Variants in RBFOX1 observed in about 807,000 individuals in gnomAD.
RBFOX1 encodes RNA binding fox-1 homolog 1.
RBFOX1 carries 8 observed loss-of-function variants against 57.7 expected under a neutral mutation model. The observed-to-expected ratio is 0.14, with a 90% CI of 0.08 to 0.25. RBFOX1 has a LOEUF of 0.25. Ranked by LOEUF, RBFOX1 falls within the 10% of genes least tolerant of loss-of-function variation. The pLI is 1.00. For missense variants in RBFOX1, 611 were observed against 548.5 expected (o/e 1.11, Z -1.14); for synonymous variants, 326 against 222.4 (o/e 1.47, Z -4.15).
intron 3 of RBFOX1, among the ~76,000 whole-genome samples, chr16:6,806,408 T>C (rs890224472): frequency 2.6e-5 from 4 of 152,190 alleles, no homozygotes; most frequent in African/African-American, 9.6e-5. Context: ...AAGACTGTAA[T>C]ACATTTGCAT....
chr16:7,337,661 A>G (rs1287236936), intron 4 of RBFOX1, among the ~76,000 whole-genome samples: 1 of 152,042 alleles, frequency 6.6e-6, no homozygotes, highest in Non-Finnish European at 1.5e-5. Context: ...ACGCAGGTGA[A>G]TGTTTTTTGT....
chr16:7,260,555 G>A (rs1170406932), intron 4 of RBFOX1, among the ~76,000 whole-genome samples: 1 of 152,102 alleles, frequency 6.6e-6, no homozygotes, highest in African/African-American at 2.4e-5. Flanking sequence ...CATCTTCAGG[G>A]AATAACTCAT....
chr16:5,637,095 G>T (rs2048706743), intron 3 of RBFOX1, among the ~76,000 whole-genome samples: 1 of 152,178 alleles, frequency 6.6e-6, no homozygotes, highest in African/African-American at 2.4e-5. Context: ...TGCATCATTA[G>T]CAGTTTCTGA....
At chr16:6,580,588 CAG>C (rs776663147) in intron 2 of RBFOX1, among the ~76,000 whole-genome samples, 4 of 151,854 alleles carry the variant, frequency 2.6e-5, no homozygotes, top group African/African-American at 4.8e-5. Flanking sequence ...AGAAATGTCA[CAG>C]GGGGGGATGC....
At chr16:6,185,411 T>G (rs986395845) in intron 1 of RBFOX1, among the ~76,000 whole-genome samples, 1 of 152,244 alleles carries the variant, frequency 6.6e-6, no homozygotes, top group Non-Finnish European at 1.5e-5. Context: ...ATAAGCTGAT[T>G]ATCTCCATTT....
In RBFOX1 at chr16:6,610,005, CACAAAACAAAACAAA is replaced by C. The variant is rs71145259; in HGVS notation, c.-63-44571_-63-44557del. On this transcript the variant is annotated intron_variant, in intron 2 of 15. Transcript: ENST00000550418. Reference sequence around the variant, plus strand: ...GCCTGGCAGTAGTGTGAGGCTCTGACACAAAACAAAACAAAACAAAACAAAACAAAACAAAACAAA... The same window carrying C: ...GCCTGGCAGTAGTGTGAGGCTCTGACACAAAACAAAACAAAACAAAACAAA... Among the ~76,000 whole-genome samples the C allele has an allele frequency of 7.0e-3, 1,013 of 145,474 alleles. 8 individuals are homozygous for C. Among genetic ancestry groups the C allele is most frequent in the Middle Eastern group, 0.038 (11 of 288 alleles).
intron 4 of RBFOX1, among the ~76,000 whole-genome samples, chr16:7,074,726 G>T (rs1302393750): frequency 1.3e-5 from 2 of 151,934 alleles, no homozygotes; most frequent in African/African-American, 4.8e-5. Context: ...GAGAGCATGG[G>T]GAAAAACAAG....
intron 3 of RBFOX1, among the ~76,000 whole-genome samples, chr16:5,794,333 C>G (rs1263826375): frequency 6.6e-6 from 1 of 151,594 alleles, no homozygotes; most frequent in African/African-American, 2.4e-5. Flanking sequence ...TTTTCCTCAT[C>G]CTTTACTAAT....
intron 4 of RBFOX1, among the ~76,000 whole-genome samples, chr16:7,075,052 A>T (rs1261637932): frequency 6.6e-6 from 1 of 152,176 alleles, no homozygotes; most frequent in Non-Finnish European, 1.5e-5. Context: ...CAAAGCGTAA[A>T]AGCAACATAC....
At chr16:5,456,364 A>G (rs2068631759) in intron 1 of RBFOX1, among the ~76,000 whole-genome samples, 2 of 152,178 alleles carry the variant, frequency 1.3e-5, no homozygotes, top group African/African-American at 4.8e-5. Context: ...CTTGTCTGTC[A>G]TCATGTTTTC....
intron 3 of RBFOX1, among the ~76,000 whole-genome samples, chr16:6,903,407 CAATTAA>C (rs1180731071): frequency 5.3e-5 from 8 of 152,178 alleles, no homozygotes; most frequent in Non-Finnish European, 1.2e-4. Context: ...TTCTGCGCTC[CAATTAA>C]AATTGACGAA....
At chr16:5,468,747 C>G (rs964900234) in intron 2 of RBFOX1, among the ~76,000 whole-genome samples, 2 of 152,222 alleles carry the variant, frequency 1.3e-5, no homozygotes, top group South Asian at 2.1e-4. Flanking sequence ...TTGGATGAAT[C>G]TTGAACACAT....
intron 3 of RBFOX1, among the ~76,000 whole-genome samples, chr16:6,967,352 C>G (rs2084498334): frequency 1.3e-5 from 2 of 152,126 alleles, no homozygotes; most frequent in Admixed American, 6.6e-5. Context: ...GGGGTTGGCT[C>G]TCATGTTCCT....
At chr16:6,729,672 A>G (rs571315952) in intron 3 of RBFOX1, among the ~76,000 whole-genome samples, 1 of 152,314 alleles carries the variant, frequency 6.6e-6, no homozygotes, top group African/African-American at 2.4e-5. Context: ...GCAACCCTTA[A>G]TATATGACCT....
At chr16:6,531,757 G>C (rs2096660993) in intron 2 of RBFOX1, among the ~76,000 whole-genome samples, 2 of 152,066 alleles carry the variant, frequency 1.3e-5, no homozygotes, top group African/African-American at 4.8e-5. Context: ...GATTACATGA[G>C]AACAAAGTAA....
At chr16:5,380,152 A>C (rs2066095006) in intron 1 of RBFOX1, among the ~76,000 whole-genome samples, 2 of 152,180 alleles carry the variant, frequency 1.3e-5, no homozygotes, top group Admixed American at 1.3e-4. Flanking sequence ...TCCTTGGCAG[A>C]GGCTCTGATG....
chr16:5,496,542 C>G (rs777175665), intron 2 of RBFOX1, among the ~76,000 whole-genome samples: 5 of 152,316 alleles, frequency 3.3e-5, no homozygotes, highest in African/African-American at 7.2e-5. Flanking sequence ...CCCACTTACT[C>G]ACTTGTTATC....
chr16:7,067,347 C>G (rs553000200), intron 4 of RBFOX1, among the ~76,000 whole-genome samples: 1 of 152,022 alleles, frequency 6.6e-6, no homozygotes, highest in African/African-American at 2.4e-5. Context: ...ATTTACTATT[C>G]TGCAGTTCTT....
chr16:7,421,985 A>G (rs1469468720), intron 4 of RBFOX1, among the ~76,000 whole-genome samples: 1 of 152,118 alleles, frequency 6.6e-6, no homozygotes, highest in Non-Finnish European at 1.5e-5. Flanking sequence ...TTTCAGAGGG[A>G]GAAAATAGAA....
Sources: gnomAD v4.1 joint callset for allele counts (sites outside exome capture counted in the v4.1 genomes callset) on GRCh38, gnomAD v4.1.1 for gene constraint, MANE v1.5 for transcripts, NCBI Gene and HGNC (gene_info 2026-07-23, HGNC 2026-07-21) for gene names.